Variants in SLPI observed in about 807,000 individuals in gnomAD.
The protein encoded by SLPI is antileukoproteinase.
A neutral mutation model predicts 14.3 loss-of-function variants in SLPI; 20 were observed. The ratio of observed to expected loss-of-function variants is 1.40; its 90% CI spans 0.99 to 2.04. The LOEUF (loss-of-function observed/expected upper bound fraction) is 2.04. Among genes scored for constraint, SLPI ranks in the 30% most tolerant of loss-of-function variants. SLPI has a pLI of 0.00. For missense variants in SLPI, 169 were observed against 159.4 expected (o/e 1.06, Z -0.32); for synonymous variants, 68 against 54.8 (o/e 1.24, Z -1.07).
At chr20:45,252,513 G>A in intron 3 of SLPI, 94 bp from the exon 4 acceptor site, 1 of 1,330,790 alleles carries the variant, frequency 7.5e-7, no homozygotes, top group Non-Finnish European at 1.1e-6. Flanking sequence ...CTGAGATAGA[G>A]AAAATAGCAA....
At chr20:45,253,543 C>G in intron 2 of SLPI, 32 bp downstream of exon 2, 1 of 1,601,022 alleles carries the variant, frequency 6.2e-7, no homozygotes, top group Non-Finnish European at 8.5e-7. Flanking sequence ...CCCAGGCTCA[C>G]TCCTCTCTAC....
chr20:45,253,758 C>G (rs1347140375), intron 1 of SLPI, 25 bp from the exon 2 acceptor site: 2 of 1,608,302 alleles, frequency 1.2e-6, no homozygotes, highest in Non-Finnish European at 1.7e-6. Context: ...GTCAAGAGGT[C>G]AGGAGGAGGC....
chr20:45,253,114 G>A lies in SLPI; in HGVS notation c.282C>T (p.Gly94=), dbSNP rs765888065. The A allele has an allele frequency of 9.9e-6, 16 of 1,613,990 alleles. 1 individual carries two copies. The South Asian group carries it at 1.6e-4, about 17-fold the overall frequency. Residue 94 remains glycine, a synonymous_variant, in exon 3 of 4, where the codon GGC becomes GGT. Transcript: ENST00000338380. The part of the protein sequence containing the change: ...RKPGKCPVTY[G]QCLMLNPPNF... ...TGGGGGGGTTAAGCATCAAACATTG[G>A]CCATAAGTCACTGGGCACTTCCCAG...
At position 45,253,153 on chromosome 20, in the gene SLPI, T is replaced by C; in HGVS notation, c.245-2A>G. 6.2e-7 allele frequency: 1 copy of C among 1,613,730 alleles called. No homozygotes were observed. Among genetic ancestry groups the C allele is most frequent in the Non-Finnish European group, 8.5e-7 (1 of 1,179,770 alleles). ...GGCACTTCCCAGGCTTCCTCCTTGC[T>C]GGGTGAGAGTGAGGCTACCGGTCAG... On this transcript the variant is annotated splice_acceptor_variant, in intron 2 of 3. Transcript: ENST00000338380. LOFTEE classifies it high-confidence loss of function.
At chr20:45,253,832 A>G in intron 1 of SLPI, 99 bp from the exon 2 acceptor site, 2 of 1,077,146 alleles carry the variant, frequency 1.9e-6, no homozygotes, top group Non-Finnish European at 2.7e-6. Flanking sequence ...AGAGACCCTT[A>G]CCTCAGTAGC....
rs1322082657 is a variant in SLPI, at chr20:45,253,687, A to G, written c.132T>C (p.Leu44=). Residue 44 remains leucine, a synonymous_variant, in exon 2 of 4, where the codon CTT becomes CTC. Coordinates refer to ENST00000338380, the MANE Select transcript of SLPI (RefSeq NM_003064.4). ...TCTGGCACTCAGGTTTCTTGTATCTAAGGCACTGGGCAGATTTCTTAGGAG... is the reference window on the plus strand; with the variant it reads ...TCTGGCACTCAGGTTTCTTGTATCTGAGGCACTGGGCAGATTTCTTAGGAG... ...VCPPKKSAQC[L]RYKKPECQSD... 1 of 1,614,114 alleles carries G rather than the reference A, an allele frequency of 6.2e-7. No individual in the cohort carries two copies. Among genetic ancestry groups the G allele is most frequent in the Non-Finnish European group, 8.5e-7 (1 of 1,179,986 alleles).
intron 1 of SLPI, among the ~76,000 whole-genome samples, 193 bp downstream of exon 1, chr20:45,254,266 G>C (rs570615769): frequency 6.6e-6 from 1 of 151,768 alleles, no homozygotes; most frequent in Non-Finnish European, 1.5e-5. Context: ...TGGCTGCATA[G>C]AGGAAGCATT....
At chr20:45,253,253 G>GA in intron 2 of SLPI, 102 bp from the exon 3 acceptor site, 1 of 1,348,964 alleles carries the variant, frequency 7.4e-7, no homozygotes, top group Non-Finnish European at 1.0e-6. Flanking sequence ...CAGCAGGGGG[G>GA]ATCATCCCCT....
chr20:45,252,517 A>G (rs1481788722), intron 3 of SLPI, 98 bp from the exon 4 acceptor site: 2 of 1,233,438 alleles, frequency 1.6e-6, no homozygotes, highest in Non-Finnish European at 2.4e-6. Context: ...GATAGAGAAA[A>G]TAGCAAGATA....
Position 45,253,630 on chromosome 20 carries a change from A to G in SLPI, c.189T>C (p.Cys63=). 2 of 1,614,174 alleles carry G rather than the reference A, an allele frequency of 1.2e-6. No homozygotes were observed. The highest frequency in any genetic ancestry group is 1.7e-6 in the Non-Finnish European group (2 of 1,180,012). The change falls in exon 2 of 4, where the codon TGT becomes TGC. Residue 63 remains cysteine, a synonymous_variant. Coordinates refer to ENST00000338380, the MANE Select transcript of SLPI (RefSeq NM_003064.4). ...ATTTGATGCCACAAGTGTCAGGACA[A>G]CATCTCTTCTTCCCTGGACACTGCC... The part of the protein sequence containing the change: ...SDWQCPGKKR[C]CPDTCGIKCL...
At chr20:45,254,364 G>A (rs1984756732) in intron 1 of SLPI, 95 bp downstream of exon 1, 2 of 1,011,384 alleles carry the variant, frequency 2.0e-6, no homozygotes, top group East Asian at 5.0e-5. Flanking sequence ...CTAAGCTGAG[G>A]GATCAGAGCC....
chr20:45,254,178 G>A (rs1027919857), intron 1 of SLPI, among the ~76,000 whole-genome samples: 1 of 149,638 alleles, frequency 6.7e-6, no homozygotes, highest in Non-Finnish European at 1.5e-5. Flanking sequence ...TCGCAGACAG[G>A]TGAAGAAGAA....
chr20:45,253,214 C>A (rs372043050), intron 2 of SLPI, 63 bp from the exon 3 acceptor site: 2 of 1,559,046 alleles, frequency 1.3e-6, no homozygotes, highest in Non-Finnish European at 1.7e-6. Context: ...CCCATCCCCA[C>A]TTTTTAGAGT....
intron 3 of SLPI, 121 bp from the exon 4 acceptor site, chr20:45,252,540 A>G (rs1984691219): frequency 4.1e-6 from 4 of 978,686 alleles, no homozygotes; most frequent in African/African-American, 3.3e-5. Context: ...GCTATAGTTG[A>G]GAGAGACTTA....
At chr20:45,253,251 G>A in intron 2 of SLPI, 100 bp from the exon 3 acceptor site, 1 of 1,414,278 alleles carries the variant, frequency 7.1e-7, no homozygotes, top group Non-Finnish European at 9.6e-7. Context: ...TTCAGCAGGG[G>A]GGATCATCCC....
In SLPI at chr20:45,253,665, G is replaced by C; in HGVS notation, c.154C>G (p.Gln52Glu). Reference protein sequence around the residue: ...QCLRYKKPECQSDWQCPGKKR... With the variant: ...QCLRYKKPECESDWQCPGKKR... ...TTCCCTGGACACTGCCAGTCACTCTGGCACTCAGGTTTCTTGTATCTAAGG... is the reference window on the plus strand; with the variant it reads ...TTCCCTGGACACTGCCAGTCACTCTCGCACTCAGGTTTCTTGTATCTAAGG... The change falls in exon 2 of 4, where the codon CAG becomes GAG. Residue 52 changes from glutamine to glutamate, a missense_variant. By Grantham distance (29) the Gln-to-Glu change is conservative (BLOSUM62 2). Coordinates refer to ENST00000338380, the MANE Select transcript of SLPI (RefSeq NM_003064.4). The C allele has an allele frequency of 6.2e-7, 1 of 1,614,090 alleles. No individual in the cohort carries two copies. Among genetic ancestry groups the C allele is most frequent in the African/African-American group, 1.3e-5 (1 of 75,046 alleles).
chr20:45,254,384 G>A, intron 1 of SLPI, 75 bp downstream of exon 1: 1 of 1,262,024 alleles, frequency 7.9e-7, no homozygotes, highest in South Asian at 1.2e-5. Flanking sequence ...CTACAGAAGG[G>A]GACACACCCA....
Position 45,252,273 on chromosome 20 carries a change from G to T in SLPI, c.*142C>A. The stretch of plus-strand genomic sequence containing the variant: ...AAATAGGCTCGTTTATTTATTCATT[G>T]ATCAACTGGCACTTCTTGAAAGCCT... On this transcript the variant is annotated 3_prime_UTR_variant, in exon 4 of 4. Transcript: ENST00000338380. 2 of 665,758 alleles carry T rather than the reference G, an allele frequency of 3.0e-6. No homozygotes were observed. Among genetic ancestry groups the T allele is most frequent in the South Asian group, 2.1e-5 (1 of 47,642 alleles). 41.2% of individuals were successfully genotyped at this position (665,758 alleles called of 1,614,324 possible).
intron 1 of SLPI, among the ~76,000 whole-genome samples, chr20:45,254,170 G>A (rs541784618): frequency 2.2e-4 from 33 of 149,440 alleles, no homozygotes; most frequent in Non-Finnish European, 3.1e-4. Context: ...TTTGAGAGTC[G>A]CAGACAGGTG....
Sources: gnomAD v4.1 joint callset for allele counts (sites outside exome capture counted in the v4.1 genomes callset) on GRCh38, gnomAD v4.1.1 for gene constraint, MANE v1.5 for transcripts, NCBI Gene and HGNC (gene_info 2026-07-23, HGNC 2026-07-21) for gene names.